DOCK8: variants seen among roughly 807,000 people sequenced by gnomAD.
The protein encoded by DOCK8 is dedicator of cytokinesis 8, also known as dedicator of cytokinesis protein 8.
Under a neutral mutation model 245.6 loss-of-function variants are expected in DOCK8, and 141 were observed. The observed-to-expected ratio is 0.57, with a 90% CI of 0.50 to 0.66. The LOEUF is 0.66. Ranked by LOEUF, DOCK8 falls within the 30% of genes least tolerant of loss-of-function variation. The pLI, the probability that DOCK8 is intolerant of heterozygous loss-of-function variation, is 0.00. For missense variants in DOCK8, 2,965 were observed against 2,603.4 expected (o/e 1.14, Z -3.02); for synonymous variants, 1,168 against 970.2 (o/e 1.20, Z -3.79).
chr9:432,541 G>T (rs1192169104), intron 37 of DOCK8, among the ~76,000 whole-genome samples: 1 of 152,080 alleles, frequency 6.6e-6, no homozygotes, highest in Non-Finnish European at 1.5e-5. Flanking sequence ...AGTCTATTTG[G>T]AGTGCTCAGT....
chr9:455,851 A>G (rs994554790), intron 46 of DOCK8, among the ~76,000 whole-genome samples: 1 of 98,976 alleles, frequency 1.0e-5, no homozygotes, highest in Non-Finnish European at 1.9e-5. Flanking sequence ...ATGTGAGAAC[A>G]AAAAAAAAAG....
chr9:382,769 C>T, intron 22 of DOCK8, 84 bp downstream of exon 22: 1 of 1,525,240 alleles, frequency 6.6e-7, no homozygotes, highest in Non-Finnish European at 8.9e-7. Context: ...CAGAAGCAAC[C>T]ACTACTGCTG....
rs77015104 is a variant in DOCK8 at position 283,608 on chromosome 9, T to A, written c.157-2853T>A. Among the ~76,000 whole-genome samples the A allele has an allele frequency of 1.6e-3, 239 of 152,302 alleles. 1 individual carries two copies. Among genetic ancestry groups the A allele is most frequent in the Non-Finnish European group, 2.7e-3 (182 of 68,018 alleles). ...AGCATTCTGTGTCCATGTGTACACA[T>A]TATTTAGCTCCCACTTCTAAATGAA... On this transcript the variant is annotated intron_variant, in intron 2 of 47. Coordinates refer to ENST00000432829, the MANE Select transcript of DOCK8 (RefSeq NM_203447.4).
At chr9:356,685 C>T (rs947885435) in intron 14 of DOCK8, among the ~76,000 whole-genome samples, 1 of 152,110 alleles carries the variant, frequency 6.6e-6, no homozygotes, top group African/African-American at 2.4e-5. Flanking sequence ...TTTCTTCATG[C>T]ACACCTTCAG....
intron 1 of DOCK8, among the ~76,000 whole-genome samples, chr9:223,452 A>G (rs2046926713): frequency 6.6e-6 from 1 of 152,144 alleles, no homozygotes; most frequent in Admixed American, 6.5e-5. Context: ...GGAAAAAGAA[A>G]GGCACTTTCC....
Position 382,690 on chromosome 9 carries a change from G to A in DOCK8, c.2778+5G>A, listed in dbSNP as rs2131299054. The A allele has an allele frequency of 6.2e-7, 1 of 1,614,108 alleles. No homozygotes were observed. The highest frequency in any genetic ancestry group is 8.5e-7 in the Non-Finnish European group (1 of 1,179,994). On this transcript the variant is annotated splice_donor_5th_base_variant and intron_variant, in intron 22 of 47. Coordinates refer to ENST00000432829, the MANE Select transcript of DOCK8 (RefSeq NM_203447.4). ...AAGAACATCATGTCTTCAAAGGTAG[G>A]AAAGATGTCAAACCGTGGAAGGGGA...
Position 304,634 on chromosome 9 carries a change from A to G in DOCK8, c.458A>G (p.Asp153Gly). ...CGFKKTGSRKDFHKTLPKQTF... is the reference protein window; with the variant it reads ...CGFKKTGSRKGFHKTLPKQTF... ...TTTAAAAAGACTGGATCTCGAAAAG[A>G]TTTTCACAAGACGCTTCCGAAACAG... Residue 153 changes from aspartate to glycine, a missense_variant, in exon 5 of 48, where the codon GAT becomes GGT. Asp to Gly is a moderately conservative substitution (Grantham distance 94). Around this residue, in one of 3 missense-constraint regions of DOCK8, gnomAD observed 2,825 missense variants for 2,453.5 expected, o/e 1.15. Coordinates refer to ENST00000432829, the MANE Select transcript of DOCK8 (RefSeq NM_203447.4). The G allele has an allele frequency of 1.2e-6, 2 of 1,614,184 alleles. No homozygotes were observed. The highest frequency in any genetic ancestry group is 1.7e-6 in the Non-Finnish European group (2 of 1,180,030).
intron 1 of DOCK8, among the ~76,000 whole-genome samples, chr9:227,947 G>A (rs1478527001): frequency 6.6e-6 from 1 of 152,144 alleles, no homozygotes; most frequent in Non-Finnish European, 1.5e-5. Flanking sequence ...AAGATCACAT[G>A]CCAAATTATG....
chr9:400,104 CACCTCCACCACCACCA>C (rs2054738818), intron 26 of DOCK8, among the ~76,000 whole-genome samples: 7 of 122,058 alleles, frequency 5.7e-5, no homozygotes, highest in African/African-American at 2.0e-4. Flanking sequence ...TCACCACCAC[CACCTCCACCACCACCA>C]GCATCTTCAC....
chr9:351,447 G>T (rs1306642734), intron 14 of DOCK8, among the ~76,000 whole-genome samples: 1 of 152,228 alleles, frequency 6.6e-6, no homozygotes, highest in Non-Finnish European at 1.5e-5. Flanking sequence ...ATAGTCTGCA[G>T]ATTCTTTCAG....
chr9:253,486 T>G (rs2047698087), intron 1 of DOCK8, among the ~76,000 whole-genome samples: 2 of 152,248 alleles, frequency 1.3e-5, no homozygotes, highest in Admixed American at 6.5e-5. Context: ...CCTGCAAGAT[T>G]TGTTAGGCTT....
intron 46 of DOCK8, among the ~76,000 whole-genome samples, chr9:458,998 G>A (rs1316135649): frequency 6.6e-6 from 1 of 152,192 alleles, no homozygotes; most frequent in East Asian, 1.9e-4. Context: ...CTGTAGAACT[G>A]TGACTGCTAG....
chr9:277,039 G>A (rs1451144064), intron 2 of DOCK8: 1 of 278,768 alleles, frequency 3.6e-6, no homozygotes, highest in South Asian at 2.7e-5. Context: ...GAACTCCTGA[G>A]CTTCAGTGAT....
chr9:278,817 C>T (rs2048459557), intron 2 of DOCK8, among the ~76,000 whole-genome samples: 1 of 152,206 alleles, frequency 6.6e-6, no homozygotes, highest in African/African-American at 2.4e-5. Context: ...ATAGAGAAAG[C>T]AGGGCTGGGT....
intron 2 of DOCK8, 81 bp downstream of exon 2, chr9:271,810 G>A: frequency 2.2e-6 from 2 of 921,818 alleles, no homozygotes; most frequent in Non-Finnish European, 3.4e-6. Context: ...CTGTTCCTTA[G>A]ATCTTCCTAC....
At chr9:396,653 C>A in intron 24 of DOCK8, 132 bp from the exon 25 acceptor site, 2 of 1,264,550 alleles carry the variant, frequency 1.6e-6, no homozygotes, top group Non-Finnish European at 2.3e-6. Context: ...CTTGCTCGGG[C>A]ACCACCAGCA....
At chr9:226,018 A>G (rs2046981600) in intron 1 of DOCK8, among the ~76,000 whole-genome samples, 1 of 152,184 alleles carries the variant, frequency 6.6e-6, no homozygotes, top group Non-Finnish European at 1.5e-5. Context: ...CAATGGAAAA[A>G]ATTTAAATGT....
At chr9:394,539 G>A (rs901284361) in intron 24 of DOCK8, among the ~76,000 whole-genome samples, 4 of 152,250 alleles carry the variant, frequency 2.6e-5, no homozygotes, top group African/African-American at 9.6e-5. Flanking sequence ...AAGCGCTAAT[G>A]AACAACCACT....
intron 26 of DOCK8, among the ~76,000 whole-genome samples, chr9:400,563 T>TCAC (rs1281273360): frequency 6.0e-4 from 4 of 6,708 alleles, no homozygotes; most frequent in Non-Finnish European, 9.4e-4. Context: ...ATCTTCACCA[T>TCAC]CACCACCACC....
Sources: allele counts gnomAD v4.1 joint callset (sites outside exome capture counted in the v4.1 genomes callset), GRCh38; gene constraint gnomAD v4.1.1; regional missense constraint gnomAD v4.1.1; transcripts MANE v1.5; gene names NCBI Gene and HGNC (gene_info 2026-07-23, HGNC 2026-07-21).